Variants in CIB4 observed in about 807,000 individuals in gnomAD.
The protein encoded by CIB4 is calcium and integrin binding family member 4.
In CIB4, 25 loss-of-function variants were observed where a neutral mutation model predicts 25.8. The observed-to-expected ratio is 0.97, with a 90% CI of 0.71 to 1.35. The LOEUF (loss-of-function observed/expected upper bound fraction) is 1.35. Ranked by LOEUF, CIB4 falls within the 40% of genes most tolerant of loss-of-function variation. The pLI, the probability that CIB4 is intolerant of heterozygous loss-of-function variation, is 0.00. For synonymous variants in CIB4, 75 were observed against 81.4 expected, an observed-to-expected ratio of 0.92 and a Z score of 0.42; for missense variants, 235 against 228.2, an observed-to-expected ratio of 1.03 and a Z score of -0.19.
intron 5 of CIB4, 127 bp from the exon 6 acceptor site, chr2:26,583,040 C>CAGGGGA: frequency 3.2e-6 from 2 of 622,952 alleles, no homozygotes; most frequent in Non-Finnish European, 2.9e-6. Context: ...TCTCCTGGGT[C>CAGGGGA]CCCTGACCCC....
chr2:26,581,211 A>C lies in CIB4; in HGVS notation c.*152T>G. ...AAGCGATGATCTGATGGGCTAAGGA[A>C]AAGCTTTTTCTTTTATCTAATAAAC... On this transcript the variant is annotated 3_prime_UTR_variant, in exon 7 of 7. Coordinates refer to ENST00000288861, the MANE Select transcript of CIB4 (RefSeq NM_001029881.3). The C allele has an allele frequency of 3.5e-5, 22 of 635,652 alleles. No homozygotes were observed. Among genetic ancestry groups the C allele is most frequent in the East Asian group, 5.7e-5 (2 of 35,332 alleles). The allele number at this position is 635,652 out of a possible 1,614,324, so 39.4% of individuals were successfully genotyped here. A position where few individuals can be genotyped will look rare whatever the true frequency, so the allele number is the denominator to read the frequency against.
chr2:26,595,095 T>TGG, intron 4 of CIB4, 81 bp downstream of exon 4: 1 of 1,360,104 alleles, frequency 7.4e-7, no homozygotes, highest in Non-Finnish European at 1.0e-6. Context: ...CATCCATCAA[T>TGG]GAACTGATGA....
intron 3 of CIB4, among the ~76,000 whole-genome samples, chr2:26,597,381 A>T (rs888463712): frequency 6.6e-6 from 1 of 152,004 alleles, no homozygotes; most frequent in Non-Finnish European, 1.5e-5. Context: ...TAAGACATAT[A>T]GCCCATGACA....
At chr2:26,604,030 T>C (rs544170029) in intron 3 of CIB4, among the ~76,000 whole-genome samples, 8 of 137,902 alleles carry the variant, frequency 5.8e-5, no homozygotes, top group East Asian at 2.2e-4. Flanking sequence ...GAAAGAAATA[T>C]GAAGAAAACT....
intron 3 of CIB4, among the ~76,000 whole-genome samples, chr2:26,628,489 T>C (rs1427456982): frequency 3.9e-5 from 6 of 152,122 alleles, no homozygotes; most frequent in African/African-American, 1.4e-4. Context: ...GAGTGTGTTC[T>C]AGGTGGTTGG....
intron 3 of CIB4, among the ~76,000 whole-genome samples, chr2:26,614,700 C>G (rs571397729): frequency 6.6e-6 from 1 of 152,340 alleles, no homozygotes; most frequent in South Asian, 2.1e-4. Context: ...GCACCCCTCA[C>G]AGGGAGAAGC....
At position 26,588,982 on chromosome 2, in the gene CIB4, TTCTTCTTCTTC is replaced by T. The variant is rs1558554478; in HGVS notation, c.329-5095_329-5085del. 1.4e-3 allele frequency among the ~76,000 whole-genome samples: 32 copies of T among 22,616 alleles called. 5 individuals carry two copies. Among genetic ancestry groups the T allele is most frequent in the African/African-American group, 3.3e-3 (26 of 7,804 alleles). 14.8% of individuals were successfully genotyped at this position (22,616 alleles called of 152,430 possible). A position where few individuals can be genotyped will look rare whatever the true frequency, so the allele number is the denominator to read the frequency against. On this transcript the variant is annotated intron_variant, in intron 4 of 6. Transcript: ENST00000288861. ...TGCCGCTGCTGCCGCTTCTTCTTTC[TTCTTCTTCTTC>T]TTCTTCTTCTTCTTCTTCTTCTTCT...
intron 3 of CIB4, among the ~76,000 whole-genome samples, chr2:26,600,358 C>T (rs1311189388): frequency 1.3e-5 from 2 of 152,000 alleles, no homozygotes; most frequent in African/African-American, 4.8e-5. Context: ...GAGCCGAGAT[C>T]GTGCCACTGC....
At chr2:26,584,623 G>A (rs543668374) in intron 4 of CIB4, among the ~76,000 whole-genome samples, 1 of 152,304 alleles carries the variant, frequency 6.6e-6, no homozygotes, top group South Asian at 2.1e-4. Context: ...GTCCAGAATT[G>A]GGCAAGAATG....
intron 2 of CIB4, among the ~76,000 whole-genome samples, chr2:26,630,930 C>T (rs1187491325): frequency 2.6e-5 from 4 of 152,082 alleles, no homozygotes; most frequent in African/African-American, 9.7e-5. Context: ...TGGGAGCCCA[C>T]CACCCTGACC....
intron 4 of CIB4, among the ~76,000 whole-genome samples, chr2:26,588,216 C>T (rs765475347): frequency 2.6e-5 from 4 of 152,246 alleles, no homozygotes; most frequent in South Asian, 2.1e-4. Context: ...TGTCCCCAGG[C>T]GTCCTGCTGG....
chr2:26,620,190 T>A (rs190010671), intron 3 of CIB4, among the ~76,000 whole-genome samples: 1 of 146,522 alleles, frequency 6.8e-6, no homozygotes, highest in East Asian at 2.0e-4. Flanking sequence ...CCCTACAGAC[T>A]CCGCGACTGA....
At chr2:26,630,822 G>T (rs1669403374) in intron 2 of CIB4, among the ~76,000 whole-genome samples, 1 of 152,052 alleles carries the variant, frequency 6.6e-6, no homozygotes, top group African/African-American at 2.4e-5. Context: ...GGGCCTCAGA[G>T]GGGACACCCA....
chr2:26,629,572 A>G, intron 2 of CIB4, 66 bp from the exon 3 acceptor site: 1 of 1,108,912 alleles, frequency 9.0e-7, no homozygotes, highest in Non-Finnish European at 1.3e-6. Flanking sequence ...GGCCGGGGAA[A>G]GGAGGCCAGC....
At chr2:26,618,938 G>GCTTTGGGCA (rs1407107953) in intron 3 of CIB4, among the ~76,000 whole-genome samples, 1 of 152,214 alleles carries the variant, frequency 6.6e-6, no homozygotes, top group Non-Finnish European at 1.5e-5. Flanking sequence ...CTGGGCCCCA[G>GCTTTGGGCA]CTTTGGGCAC....
chr2:26,641,100 T>A (rs922644902), intron 1 of CIB4, among the ~76,000 whole-genome samples, 161 bp downstream of exon 1: 2 of 152,172 alleles, frequency 1.3e-5, no homozygotes, highest in East Asian at 3.9e-4. Flanking sequence ...AGTGTTAGTG[T>A]ATTTTATGTG....
chr2:26,590,822 T>C (rs963111978), intron 4 of CIB4, among the ~76,000 whole-genome samples: 1 of 152,194 alleles, frequency 6.6e-6, no homozygotes, highest in African/African-American at 2.4e-5. Context: ...GTGTTTGTGC[T>C]GAGGCTGGAG....
chr2:26,614,867 C>A (rs1471993736), intron 3 of CIB4, among the ~76,000 whole-genome samples: 1 of 152,230 alleles, frequency 6.6e-6, no homozygotes, highest in East Asian at 1.9e-4. Context: ...TGAACTCCTT[C>A]CATTTGCTAA....
At chr2:26,589,303 T>TCTCCTTCTC (rs1668543071) in intron 4 of CIB4, among the ~76,000 whole-genome samples, 1 of 148,938 alleles carries the variant, frequency 6.7e-6, no homozygotes, top group African/African-American at 2.5e-5. Flanking sequence ...CTCCTCTCCT[T>TCTCCTTCTC]CTCCTTCTCC....
Sources: allele counts gnomAD v4.1 joint callset (sites outside exome capture counted in the v4.1 genomes callset), GRCh38; gene constraint gnomAD v4.1.1; transcripts MANE v1.5; gene names NCBI Gene and HGNC (gene_info 2026-07-23, HGNC 2026-07-21).